The following ZNF638 variants were observed in gnomAD, a reference collection of about 807,000 sequenced individuals.
ZNF638 encodes CTCL tumor antigen se33-1.
Under a neutral mutation model 195.6 loss-of-function variants are expected in ZNF638, and 46 were observed. The observed-to-expected ratio is 0.24, with a 90% CI of 0.19 to 0.30. The LOEUF (loss-of-function observed/expected upper bound fraction) is 0.30. ZNF638 is among the 10% of genes least tolerant of loss of function. ZNF638 has a pLI of 1.00. For synonymous variants in ZNF638, 845 were observed against 772.0 expected (o/e 1.09, Z -1.57); for missense variants, 2,440 against 2,325.3 (o/e 1.05, Z -1.01).
rs2080654392 is a variant in ZNF638 at position 71,431,310 on chromosome 2, TC to T, written c.5651-15del. 2.5e-6 allele frequency: 4 copies of T among 1,603,056 alleles called. No homozygotes were observed. The highest frequency in any genetic ancestry group is 3.4e-6 in the Non-Finnish European group (4 of 1,172,258). On this transcript the variant is annotated splice_polypyrimidine_tract_variant and intron_variant, in intron 25 of 27. Coordinates refer to ENST00000264447, the MANE Select transcript of ZNF638 (RefSeq NM_014497.5). Reference sequence around the variant, plus strand: ...TAAATCTATTCTGAATAGCTTTTTTTCCTCGAAAAATTTTAGTTGATGAGGA... The same window carrying T: ...TAAATCTATTCTGAATAGCTTTTTTTCTCGAAAAATTTTAGTTGATGAGGA...
chr2:71,409,137 G>A (rs1013783419), intron 20 of ZNF638, among the ~76,000 whole-genome samples: 19 of 152,044 alleles, frequency 1.2e-4, no homozygotes, highest in Middle Eastern at 3.2e-3. Context: ...AGAGTTAAAA[G>A]AAAATTAAAG....
At chr2:71,361,673 C>G (rs1469790402) in intron 3 of ZNF638, 1 of 152,168 alleles carries the variant, frequency 6.6e-6, no homozygotes, top group Non-Finnish European at 1.5e-5. Context: ...AAAGATGCTC[C>G]AGACAATATA....
intron 22 of ZNF638, 108 bp from the exon 23 acceptor site, chr2:71,424,542 T>C: frequency 2.4e-6 from 2 of 823,504 alleles, no homozygotes; most frequent in Non-Finnish European, 3.9e-6. Flanking sequence ...TAATTGACTG[T>C]ATTTGGGTAA....
At chr2:71,393,793 G>A (rs757000507) in intron 10 of ZNF638, 27 of 615,974 alleles carry the variant, frequency 4.4e-5, no homozygotes, top group African/African-American at 1.7e-4. Context: ...CTCTAATAAC[G>A]TTAACTGCTT....
chr2:71,410,398 A>G (rs1344452045), intron 20 of ZNF638, among the ~76,000 whole-genome samples: 1 of 149,706 alleles, frequency 6.7e-6, no homozygotes, highest in Non-Finnish European at 1.5e-5. Context: ...GTGTGTGTAG[A>G]TGGGGTCTCA....
rs2079152598 is a variant in ZNF638 at position 71,363,961 on chromosome 2, G to A, written c.1426G>A (p.Gly476Ser). Residue 476 changes from glycine to serine, a missense_variant, in exon 5 of 28, where the codon GGC becomes AGC. By Grantham distance (56) the Gly-to-Ser change is moderately conservative (BLOSUM62 0). Around this residue, in one of 5 missense-constraint regions of ZNF638, gnomAD observed 1,883 missense variants for 1,739.1 expected, o/e 1.08. Transcript: ENST00000264447. ...PEILPSRRNE[G>S]NRKENETPRR... ...CCGCCCCCCTGCTTGTAGAAATGAG[G>A]GCAATAGAAAAGAAAATGAAACTCC... 1 of 1,611,650 alleles carries A rather than the reference G, an allele frequency of 6.2e-7. No individual in the cohort carries two copies. Among genetic ancestry groups the A allele is most frequent in the Non-Finnish European group, 8.5e-7 (1 of 1,178,758 alleles).
chr2:71,404,772 T>C (rs2080072471), intron 17 of ZNF638, among the ~76,000 whole-genome samples: 1 of 152,198 alleles, frequency 6.6e-6, no homozygotes, highest in African/African-American at 2.4e-5. Flanking sequence ...AATTGTCTTT[T>C]GTACATACAC....
chr2:71,350,419 T>A, intron 2 of ZNF638, 148 bp downstream of exon 2: 1 of 836,348 alleles, frequency 1.2e-6, no homozygotes, highest in Non-Finnish European at 1.9e-6. Context: ...GTTGTAATCT[T>A]AAGTAGCCCT....
intron 8 of ZNF638, among the ~76,000 whole-genome samples, chr2:71,373,206 CT>C (rs2079347449): frequency 6.6e-6 from 1 of 152,016 alleles, no homozygotes; most frequent in Non-Finnish European, 1.5e-5. Context: ...TAATTTGCAT[CT>C]TTTTGATTAT....
chr2:71,374,194 C>G (rs2079374827), intron 8 of ZNF638: 1 of 152,176 alleles, frequency 6.6e-6, no homozygotes, highest in Non-Finnish European at 1.5e-5. Flanking sequence ...ATTCCTTAAT[C>G]TATTATTTGC....
At chr2:71,411,480 T>A (rs1015833251) in intron 20 of ZNF638, among the ~76,000 whole-genome samples, 3 of 145,046 alleles carry the variant, frequency 2.1e-5, no homozygotes, top group Admixed American at 6.9e-5. Context: ...TTTAATTTTT[T>A]TTTTTTTATT....
chr2:71,344,297 A>G (rs1054586709), intron 1 of ZNF638, among the ~76,000 whole-genome samples: 6 of 152,206 alleles, frequency 3.9e-5, no homozygotes, highest in African/African-American at 1.4e-4. Context: ...GATACGTTCT[A>G]AGGACCTGCC....
intron 3 of ZNF638, among the ~76,000 whole-genome samples, chr2:71,358,168 C>A (rs1039265378): frequency 3.3e-5 from 5 of 152,190 alleles, no homozygotes; most frequent in African/African-American, 1.2e-4. Flanking sequence ...CCTTAAACCT[C>A]CCTATGCCCT....
At chr2:71,434,665 A>G in intron 27 of ZNF638, 77 bp from the exon 28 acceptor site, 1 of 1,187,332 alleles carries the variant, frequency 8.4e-7, no homozygotes, top group South Asian at 1.4e-5. Context: ...TAAATTATAA[A>G]TATACAGTAG....
rs1456782656 is a variant in ZNF638, at chr2:71,368,505, C to T, written c.2119C>T (p.Leu707=). The T allele has an allele frequency of 6.2e-7, 1 of 1,612,866 alleles. No individual in the cohort carries two copies. Among genetic ancestry groups the T allele is most frequent in the Non-Finnish European group, 8.5e-7 (1 of 1,179,604 alleles). The change falls in exon 7 of 28, where the codon CTA becomes TTA. Residue 707 remains leucine (L), a synonymous_variant. Coordinates refer to ENST00000264447, the MANE Select transcript of ZNF638 (RefSeq NM_014497.5). ...FQPFGKVNDV[L]IVPYRKEAYL... ...ACCATTTGGGAAAGTGAATGATGTC[C>T]TAATTGTTCCATATAGAAAAGAGGT...
intron 1 of ZNF638, among the ~76,000 whole-genome samples, chr2:71,334,206 C>T (rs1418181656): frequency 6.6e-6 from 1 of 152,184 alleles, no homozygotes; most frequent in African/African-American, 2.4e-5. Context: ...TCACCAGAGC[C>T]TGGACTCTAA....
intron 12 of ZNF638, 33 bp from the exon 13 acceptor site, chr2:71,399,526 C>A: frequency 6.7e-7 from 1 of 1,498,218 alleles, no homozygotes; most frequent in Non-Finnish European, 9.2e-7. Flanking sequence ...TTAACAAGAC[C>A]TTTAGAATAA....
chr2:71,349,082 A>C lies in ZNF638; in HGVS notation c.128A>C (p.Tyr43Ser), dbSNP rs1208368548. 1.9e-6 allele frequency: 3 copies of C among 1,614,194 alleles called. No individual in the cohort carries two copies. Among genetic ancestry groups the C allele is most frequent in the Non-Finnish European group, 2.5e-6 (3 of 1,180,048 alleles). ...RPGSMGLPRF[Y>S]PAGRARGIPH... ...GGATCTATGGGTCTCCCAAGATTTT[A>C]CCCAGCAGGGAGAGCACGTGGAATT... The change falls in exon 2 of 28, where the codon TAC becomes TCC. Residue 43 changes from tyrosine (Y) to serine (S), a missense_variant. Tyr to Ser is a moderately radical substitution (Grantham distance 144). Transcript: ENST00000264447.
intron 1 of ZNF638, 27 bp from the exon 2 acceptor site, chr2:71,348,726 A>G: frequency 6.7e-7 from 1 of 1,495,634 alleles, no homozygotes; most frequent in South Asian, 1.3e-5. Flanking sequence ...AGTTAAAATG[A>G]TCTAATATTT....
Sources: allele counts gnomAD v4.1 joint callset (sites outside exome capture counted in the v4.1 genomes callset), GRCh38; gene constraint gnomAD v4.1.1; regional missense constraint gnomAD v4.1.1; transcripts MANE v1.5; gene names NCBI Gene and HGNC (gene_info 2026-07-23, HGNC 2026-07-21).